Variants in ARHGAP15 observed in about 807,000 individuals in gnomAD.
ARHGAP15 encodes the protein Rho GTPase activating protein 15.
In ARHGAP15, 51 loss-of-function variants were observed where a neutral mutation model predicts 63.7. The ratio of observed to expected loss-of-function variants is 0.80; its 90% CI spans 0.64 to 1.01. The LOEUF is 1.01. ARHGAP15 is among the 50% of genes least tolerant of loss of function. The probability of loss-of-function intolerance (pLI) is 0.00; values close to 1 mark genes in which losing one functional copy is unlikely to be tolerated. For missense variants in ARHGAP15, 560 were observed against 564.6 expected (o/e 0.99, Z 0.08); for synonymous variants, 191 against 193.8 (o/e 0.99, Z 0.12).
intron 11 of ARHGAP15, among the ~76,000 whole-genome samples, chr2:143,604,069 T>C (rs1292155733): frequency 6.6e-6 from 1 of 152,184 alleles, no homozygotes; most frequent in Non-Finnish European, 1.5e-5. Flanking sequence ...GACTACGAAA[T>C]AATCTCTCAA....
intron 6 of ARHGAP15, among the ~76,000 whole-genome samples, chr2:143,426,751 TCAC>T (rs1689152787): frequency 6.6e-6 from 1 of 152,170 alleles, no homozygotes; most frequent in African/African-American, 2.4e-5. Context: ...TGTGGTGGCA[TCAC>T]CATTCCTTAT....
chr2:143,323,717 C>G (rs1684123235), intron 6 of ARHGAP15, among the ~76,000 whole-genome samples: 1 of 151,432 alleles, frequency 6.6e-6, no homozygotes, highest in South Asian at 2.1e-4. Context: ...AACCCTGTCT[C>G]TACTAAAAAT....
chr2:143,555,738 C>T (rs981990047), intron 10 of ARHGAP15, among the ~76,000 whole-genome samples: 13 of 152,030 alleles, frequency 8.6e-5, no homozygotes, highest in African/African-American at 3.1e-4. Flanking sequence ...TAATGGAGCA[C>T]CTCATTACCT....
At chr2:143,136,137 T>C (rs544985003) in intron 1 of ARHGAP15, among the ~76,000 whole-genome samples, 8 of 151,688 alleles carry the variant, frequency 5.3e-5, no homozygotes, top group African/African-American at 1.7e-4. Flanking sequence ...AGGACAAGAG[T>C]CTAAGAATTA....
At chr2:143,172,547 T>C (rs777621550) in intron 2 of ARHGAP15, among the ~76,000 whole-genome samples, 21 of 152,164 alleles carry the variant, frequency 1.4e-4, no homozygotes, top group South Asian at 4.1e-4. Context: ...TGAGTGGGTA[T>C]AGATGGAACA....
chr2:143,638,921 A>G (rs1680475638), intron 12 of ARHGAP15, among the ~76,000 whole-genome samples: 1 of 151,996 alleles, frequency 6.6e-6, no homozygotes. Flanking sequence ...TCACTATTTA[A>G]GTTTATTTTT....
intron 6 of ARHGAP15, among the ~76,000 whole-genome samples, chr2:143,376,972 C>A (rs1686839620): frequency 6.6e-6 from 1 of 151,942 alleles, no homozygotes; most frequent in Admixed American, 6.6e-5. Flanking sequence ...ATATTTTGCT[C>A]AGTAAGTAAT....
intron 11 of ARHGAP15, among the ~76,000 whole-genome samples, chr2:143,612,423 A>G (rs1229081367): frequency 6.6e-6 from 1 of 152,162 alleles, no homozygotes; most frequent in Non-Finnish European, 1.5e-5. Context: ...TTCACCTTAA[A>G]TGTCCTGTGT....
intron 13 of ARHGAP15, among the ~76,000 whole-genome samples, chr2:143,714,846 C>T (rs2105448795): frequency 6.6e-6 from 1 of 152,320 alleles, no homozygotes; most frequent in South Asian, 2.1e-4. Flanking sequence ...TTGTTCATAT[C>T]ACTATCAGCA....
intron 6 of ARHGAP15, 102 bp downstream of exon 6, chr2:143,250,702 A>C: frequency 4.5e-6 from 4 of 890,476 alleles, no homozygotes; most frequent in Admixed American, 2.3e-5. Flanking sequence ...GCTCATGTAC[A>C]TGAACTCGTT....
chr2:143,548,684 A>G (rs1207134004), intron 10 of ARHGAP15, among the ~76,000 whole-genome samples: 1 of 152,104 alleles, frequency 6.6e-6, no homozygotes, highest in Admixed American at 6.6e-5. Context: ...GAAATGAATA[A>G]TCAAAAATGA....
intron 13 of ARHGAP15, among the ~76,000 whole-genome samples, chr2:143,710,069 A>C (rs189700746): frequency 6.6e-6 from 1 of 152,214 alleles, no homozygotes; most frequent in Non-Finnish European, 1.5e-5. Flanking sequence ...CCCAACCACA[A>C]TACCTGATAT....
intron 10 of ARHGAP15, among the ~76,000 whole-genome samples, chr2:143,525,882 G>T (rs1469459426): frequency 6.6e-6 from 1 of 152,148 alleles, no homozygotes; most frequent in East Asian, 1.9e-4. Context: ...AGAGGCGGGG[G>T]AAAAGCTGCA....
chr2:143,681,272 G>A (rs4662212), intron 12 of ARHGAP15, among the ~76,000 whole-genome samples: 150,429 of 152,250 alleles, frequency 0.99, 74,330 homozygotes, highest in East Asian at 1. Flanking sequence ...GCAGTTCAAT[G>A]TGATACTATG....
intron 6 of ARHGAP15, among the ~76,000 whole-genome samples, chr2:143,414,115 T>G (rs569472610): frequency 3.3e-5 from 5 of 151,310 alleles, no homozygotes; most frequent in Non-Finnish European, 5.9e-5. Context: ...AAAATATATA[T>G]GTATATGTAT....
At chr2:143,350,159 A>G (rs538951710) in intron 6 of ARHGAP15, among the ~76,000 whole-genome samples, 5 of 152,172 alleles carry the variant, frequency 3.3e-5, no homozygotes, top group Admixed American at 6.5e-5. Flanking sequence ...ATCTTCCCTC[A>G]GTGAAAACTA....
intron 6 of ARHGAP15, among the ~76,000 whole-genome samples, chr2:143,425,441 ACAT>A (rs957529014): frequency 3.3e-5 from 5 of 151,920 alleles, no homozygotes; most frequent in South Asian, 2.1e-4. Context: ...ACGTATCACT[ACAT>A]CATATGTCAC....
intron 8 of ARHGAP15, among the ~76,000 whole-genome samples, chr2:143,464,992 C>T (rs562470096): frequency 2.6e-5 from 4 of 152,070 alleles, no homozygotes; most frequent in Non-Finnish European, 5.9e-5. Flanking sequence ...TAAAATAGTT[C>T]CTCACATGAA....
At chr2:143,659,929 G>C (rs1336376671) in intron 12 of ARHGAP15, among the ~76,000 whole-genome samples, 3 of 152,062 alleles carry the variant, frequency 2.0e-5, no homozygotes, top group Non-Finnish European at 2.9e-5. Context: ...TAATAAGTGG[G>C]TGTTCATCTT....
Sources: allele counts gnomAD v4.1 joint callset (sites outside exome capture counted in the v4.1 genomes callset), GRCh38; gene constraint gnomAD v4.1.1; transcripts MANE v1.5; gene names NCBI Gene and HGNC (gene_info 2026-07-23, HGNC 2026-07-21).